The following XKR6 variants were observed in gnomAD, a reference collection of about 807,000 sequenced individuals.
XKR6 encodes XK-related protein 6.
Under a neutral mutation model 56.7 loss-of-function variants are expected in XKR6, and 22 were observed. The ratio of observed to expected loss-of-function variants is 0.39; its 90% CI spans 0.28 to 0.55. The LOEUF is 0.55. XKR6 is among the 20% of genes least tolerant of loss of function. The pLI is 0.66. For synonymous variants in XKR6, 524 were observed against 387.8 expected (o/e 1.35, Z -4.13); for missense variants, 852 against 889.0 (o/e 0.96, Z 0.53).
chr8:11,019,934 G>A (rs1246354590), intron 1 of XKR6, among the ~76,000 whole-genome samples: 1 of 152,196 alleles, frequency 6.6e-6, no homozygotes, highest in East Asian at 1.9e-4. Flanking sequence ...AGAGGCGGCA[G>A]GCTATAAATA....
chr8:11,137,622 GGA>G, intron 1 of XKR6: 1 of 456,228 alleles, frequency 2.2e-6, no homozygotes, highest in South Asian at 1.5e-5. Context: ...AATGAACTCA[GGA>G]GACAATGAAT....
At chr8:11,011,663 A>G (rs1387956766) in intron 1 of XKR6, among the ~76,000 whole-genome samples, 1 of 152,242 alleles carries the variant, frequency 6.6e-6, no homozygotes, top group African/African-American at 2.4e-5. Flanking sequence ...AGAGAAGGAT[A>G]GAGCAGGGAA....
At chr8:11,035,248 C>A (rs1188319831) in intron 1 of XKR6, 1 of 534,766 alleles carries the variant, frequency 1.9e-6, no homozygotes, top group Non-Finnish European at 3.8e-6. Flanking sequence ...ACGTAGCACC[C>A]CATTTCCAGC....
Position 11,178,463 on chromosome 8 carries a change from T to C in XKR6, c.764+22113A>G, listed in dbSNP as rs573788838. Among the ~76,000 whole-genome samples, 109 of 150,040 alleles carry C rather than the reference T, an allele frequency of 7.3e-4. No homozygotes were observed. In the Middle Eastern group the frequency reaches 0.01, roughly 14 times the overall value. On this transcript the variant is annotated intron_variant, in intron 1 of 2. Transcript: ENST00000416569. Reference sequence around the variant, plus strand: ...TGTACATGCACATTGAGGTTCAAAATAAAGGACACCAAATGTCCTAACCAT... The same window carrying C: ...TGTACATGCACATTGAGGTTCAAAACAAAGGACACCAAATGTCCTAACCAT...
chr8:11,010,827 A>AT (rs1798483913), intron 1 of XKR6, among the ~76,000 whole-genome samples: 1 of 151,084 alleles, frequency 6.6e-6, no homozygotes, highest in Non-Finnish European at 1.5e-5. Flanking sequence ...CCAGGAAGTC[A>AT]CAAGAGGCAA....
intron 1 of XKR6, among the ~76,000 whole-genome samples, chr8:11,097,574 G>T (rs568170970): frequency 1.3e-5 from 2 of 151,646 alleles, no homozygotes; most frequent in Non-Finnish European, 2.9e-5. Context: ...TTGGGAGGCC[G>T]GGGTGGGCGT....
At chr8:11,198,868 T>C (rs1319417051) in intron 1 of XKR6, among the ~76,000 whole-genome samples, 1 of 151,864 alleles carries the variant, frequency 6.6e-6, no homozygotes, top group African/African-American at 2.4e-5. Context: ...GTCCCTCCCC[T>C]GCTTCATTCC....
At chr8:11,057,500 C>T (rs1235810670) in intron 1 of XKR6, among the ~76,000 whole-genome samples, 1 of 152,214 alleles carries the variant, frequency 6.6e-6, no homozygotes, top group Non-Finnish European at 1.5e-5. Context: ...AGTGCATCGT[C>T]GTGGCTCATC....
chr8:11,004,199 C>T (rs1049315115), intron 1 of XKR6, among the ~76,000 whole-genome samples: 2 of 152,166 alleles, frequency 1.3e-5, no homozygotes, highest in African/African-American at 2.4e-5. Flanking sequence ...TGGGGCCGGG[C>T]GTGGTGGCTC....
chr8:11,151,875 T>G (rs1390931868), intron 1 of XKR6, among the ~76,000 whole-genome samples: 1 of 152,088 alleles, frequency 6.6e-6, no homozygotes, highest in Non-Finnish European at 1.5e-5. Context: ...ACTACAATTT[T>G]GGCTATGTAA....
rs116218716 is a variant in XKR6 at position 11,150,924 on chromosome 8, A to G, written c.764+49652T>C. On this transcript the variant is annotated intron_variant, in intron 1 of 2. Transcript: ENST00000416569. ...TTATTTTTTTCTCCTCTTTTCTTCT[A>G]TCTCCTCAAACCATAATAAAGATGT... is the stretch of plus-strand genomic sequence containing the variant. 4.7e-3 allele frequency among the ~76,000 whole-genome samples: 705 copies of G among 150,422 alleles called. 6 individuals carry two copies. The highest frequency in any genetic ancestry group is 0.015 in the African/African-American group (622 of 40,804).
chr8:10,989,253 A>G (rs1797933452), intron 1 of XKR6, among the ~76,000 whole-genome samples: 1 of 152,242 alleles, frequency 6.6e-6, no homozygotes, highest in Non-Finnish European at 1.5e-5. Context: ...GAGTAGTGAG[A>G]TAAAATGAAG....
At chr8:10,993,147 C>G (rs904580011) in intron 1 of XKR6, among the ~76,000 whole-genome samples, 1 of 152,260 alleles carries the variant, frequency 6.6e-6, no homozygotes, top group African/African-American at 2.4e-5. Flanking sequence ...ATTTTAAGGA[C>G]AAGCTCCAGT....
Position 11,061,466 on chromosome 8 carries a change from C to CA in XKR6, c.765-136637dup, listed in dbSNP as rs34109727. The stretch of plus-strand genomic sequence containing the variant: ...AGGGTGACAGAGTGAGACCCTGTCT[C>CA]AAAAAAAAAAAAAAATTTCTGAACC... On this transcript the variant is annotated intron_variant, in intron 1 of 2. Coordinates refer to ENST00000416569, the MANE Select transcript of XKR6 (RefSeq NM_173683.4). 3.0e-3 allele frequency among the ~76,000 whole-genome samples: 428 copies of CA among 145,082 alleles called. 1 individual carries two copies. The highest frequency in any genetic ancestry group is 8.2e-3 in the African/African-American group (332 of 40,258).
intron 1 of XKR6, among the ~76,000 whole-genome samples, chr8:11,189,418 C>A (rs989681566): frequency 1.3e-5 from 2 of 152,174 alleles, no homozygotes; most frequent in Admixed American, 1.3e-4. Flanking sequence ...CATTCTAAAT[C>A]CAGGCATAAT....
In XKR6 at chr8:11,100,530, A is replaced by T. The variant is rs1190924739; in HGVS notation, c.764+100046T>A. On this transcript the variant is annotated intron_variant, in intron 1 of 2. Coordinates refer to ENST00000416569, the MANE Select transcript of XKR6 (RefSeq NM_173683.4). ...ACCACGAAGTGGCTGGGAGGATGGC[A>T]CGGATAGAAGGCCACCACTGAGCAA... is the stretch of plus-strand genomic sequence containing the variant. Among the ~76,000 whole-genome samples, 5 of 152,208 alleles carry T rather than the reference A, an allele frequency of 3.3e-5. No homozygotes were observed. In the East Asian group the frequency reaches 9.6e-4, roughly 29 times the overall value.
chr8:10,916,476 G>T (rs1229230567), intron 2 of XKR6, among the ~76,000 whole-genome samples: 3 of 152,146 alleles, frequency 2.0e-5, no homozygotes, highest in African/African-American at 7.2e-5. Flanking sequence ...TTTCACATAA[G>T]AAAAAAGAAA....
intron 1 of XKR6, among the ~76,000 whole-genome samples, chr8:11,153,597 T>C (rs184440790): frequency 6.1e-4 from 93 of 152,352 alleles, no homozygotes; most frequent in Non-Finnish European, 9.8e-4. Context: ...AAGGAATAAT[T>C]TTCTTTAAAT....
At chr8:10,969,605 C>G (rs1430810149) in intron 1 of XKR6, among the ~76,000 whole-genome samples, 3 of 152,208 alleles carry the variant, frequency 2.0e-5, no homozygotes, top group African/African-American at 7.2e-5. Context: ...AAAACAGAAT[C>G]ACGGGCTGGT....
Sources: allele counts gnomAD v4.1 joint callset (sites outside exome capture counted in the v4.1 genomes callset), GRCh38; gene constraint gnomAD v4.1.1; transcripts MANE v1.5; gene names NCBI Gene and HGNC (gene_info 2026-07-23, HGNC 2026-07-21).